Variants in TDRD3 observed in about 807,000 individuals in gnomAD.
The protein encoded by TDRD3 is tudor domain-containing protein 3.
TDRD3 carries 45 observed loss-of-function variants against 86.7 expected under a neutral mutation model. The ratio of observed to expected loss-of-function variants is 0.52; its 90% CI spans 0.41 to 0.67. The LOEUF (loss-of-function observed/expected upper bound fraction) is 0.67. Ranked by LOEUF, TDRD3 falls within the 30% of genes least tolerant of loss-of-function variation. The probability of loss-of-function intolerance (pLI) is 0.00; values close to 1 mark genes in which losing one functional copy is unlikely to be tolerated. For missense variants in TDRD3, 814 were observed against 889.0 expected, an observed-to-expected ratio of 0.92 and a Z score of 1.07; for synonymous variants, 298 against 301.7, an observed-to-expected ratio of 0.99 and a Z score of 0.13.
At chr13:60,395,859 A>T (rs1157206298), upstream of TDRD3, among the ~76,000 whole-genome samples, 1 of 152,000 alleles carries the variant, frequency 6.6e-6, no homozygotes. Flanking sequence ...ACTGCATACT[A>T]CTGCACATTG....
chr13:60,406,437 A>C (rs908001244), intron 1 of TDRD3, among the ~76,000 whole-genome samples: 1 of 152,226 alleles, frequency 6.6e-6, no homozygotes, highest in African/African-American at 2.4e-5. Context: ...TGTTAAAATA[A>C]TTATTAAATT....
intron 1 of TDRD3, among the ~76,000 whole-genome samples, chr13:60,406,470 T>A (rs907273087): frequency 6.6e-6 from 1 of 152,248 alleles, no homozygotes; most frequent in African/African-American, 2.4e-5. Flanking sequence ...TTTTACTTTT[T>A]AAAATATGGC....
chr13:60,466,593 C>T (rs1251656145), intron 4 of TDRD3, among the ~76,000 whole-genome samples: 2 of 151,870 alleles, frequency 1.3e-5, no homozygotes, highest in South Asian at 2.1e-4. Flanking sequence ...TTGGAGACCA[C>T]CCTGGCCAAC....
Position 60,494,584 on chromosome 13 carries a change from A to G in TDRD3, c.858+9A>G, listed in dbSNP as rs371988916. On this transcript the variant is annotated intron_variant, in intron 8 of 13. Coordinates refer to ENST00000377881, the MANE Select transcript of TDRD3 (RefSeq NM_001146070.2). ...GTGTCTATAGAGAACTGGTAAGGCT[A>G]AAGAACTAACCACAAATTTAAAGTG... The G allele has an allele frequency of 4.0e-4, 644 of 1,607,428 alleles. No homozygotes were observed. Among genetic ancestry groups the G allele is most frequent in the Non-Finnish European group, 5.2e-4 (615 of 1,177,458 alleles).
At chr13:60,418,319 T>C (rs1051396641) in intron 1 of TDRD3, among the ~76,000 whole-genome samples, 1 of 152,128 alleles carries the variant, frequency 6.6e-6, no homozygotes, top group African/African-American at 2.4e-5. Flanking sequence ...AACATAACTG[T>C]CATCTGTTAT....
At chr13:60,552,766 C>A (rs1475858617) in intron 12 of TDRD3, among the ~76,000 whole-genome samples, 1 of 152,252 alleles carries the variant, frequency 6.6e-6, no homozygotes, top group Non-Finnish European at 1.5e-5. Flanking sequence ...CAACTCTTGT[C>A]TTCTGTGCAC....
intron 7 of TDRD3, among the ~76,000 whole-genome samples, chr13:60,493,930 A>G (rs1416473319): frequency 1.3e-5 from 2 of 152,250 alleles, no homozygotes; most frequent in Non-Finnish European, 2.9e-5. Context: ...GTAAGAAATG[A>G]CATATTACAT....
chr13:60,414,710 G>A (rs1344134771), intron 1 of TDRD3, among the ~76,000 whole-genome samples: 1 of 151,994 alleles, frequency 6.6e-6, no homozygotes, highest in East Asian at 1.9e-4. Flanking sequence ...TACTTGCAGT[G>A]GGGGCTTTTT....
chr13:60,484,994 G>T (rs1050975275), intron 6 of TDRD3, among the ~76,000 whole-genome samples: 2 of 151,948 alleles, frequency 1.3e-5, no homozygotes, highest in Non-Finnish European at 2.9e-5. Context: ...AATATTATTT[G>T]GTTATAAAGT....
intron 1 of TDRD3, among the ~76,000 whole-genome samples, chr13:60,436,370 A>G (rs1955106349): frequency 6.6e-6 from 1 of 151,972 alleles, no homozygotes; most frequent in Non-Finnish European, 1.5e-5. Flanking sequence ...TAGAATTTCT[A>G]AACCATGAAA....
chr13:60,508,442 C>T (rs1459151944), intron 8 of TDRD3, among the ~76,000 whole-genome samples: 1 of 152,136 alleles, frequency 6.6e-6, no homozygotes, highest in Non-Finnish European at 1.5e-5. Context: ...TGGAACAGAA[C>T]AGACGCCTCA....
chr13:60,479,524 T>C (rs550493968), intron 5 of TDRD3, among the ~76,000 whole-genome samples: 2 of 152,198 alleles, frequency 1.3e-5, no homozygotes, highest in Non-Finnish European at 2.9e-5. Context: ...ATTGATTGGG[T>C]GTTGAGTTTC....
At chr13:60,489,692 A>G (rs893336256) in intron 7 of TDRD3, among the ~76,000 whole-genome samples, 4 of 152,320 alleles carry the variant, frequency 2.6e-5, no homozygotes, top group South Asian at 2.1e-4. Context: ...AGTAAACACG[A>G]CTATTGCTAT....
intron 8 of TDRD3, among the ~76,000 whole-genome samples, chr13:60,508,866 A>C (rs746875434): frequency 2.6e-5 from 4 of 152,164 alleles, no homozygotes; most frequent in African/African-American, 4.8e-5. Flanking sequence ...CCCAACAAAA[A>C]ATTACAAAGC....
Position 60,516,738 on chromosome 13 carries a change from C to T in TDRD3, c.1141+5983C>T, listed in dbSNP as rs1233177359. On this transcript the variant is annotated intron_variant, in intron 10 of 13. Coordinates refer to ENST00000377881, the MANE Select transcript of TDRD3 (RefSeq NM_001146070.2). ...TAAGCCTAGTGCTTGGCATCAGCAA[C>T]AGCAGCAGATGCAACAGCATCCTCC... is the stretch of plus-strand genomic sequence containing the variant. 3.3e-5 allele frequency among the ~76,000 whole-genome samples: 5 copies of T among 152,086 alleles called. No individual in the cohort carries two copies. In the East Asian group the frequency reaches 5.9e-4, roughly 18 times the overall value.
chr13:60,555,914 G>A (rs1020505105), intron 12 of TDRD3, among the ~76,000 whole-genome samples: 2 of 148,878 alleles, frequency 1.3e-5, no homozygotes, highest in Admixed American at 6.7e-5. Flanking sequence ...GCAGTGGCGC[G>A]ATCTCGGCTC....
intron 12 of TDRD3, among the ~76,000 whole-genome samples, chr13:60,548,059 T>C (rs558843707): frequency 1.3e-5 from 2 of 152,182 alleles, no homozygotes; most frequent in East Asian, 3.9e-4. Context: ...CCATTCATTT[T>C]CTCTGTGGGA....
intron 8 of TDRD3, among the ~76,000 whole-genome samples, chr13:60,503,658 C>G (rs1318516678): frequency 6.6e-6 from 1 of 152,120 alleles, no homozygotes; most frequent in African/African-American, 2.4e-5. Context: ...AATTTTGAAA[C>G]TTGAAGTTTG....
chr13:60,448,131 T>TA (rs1488265719), intron 3 of TDRD3, among the ~76,000 whole-genome samples: 1 of 152,112 alleles, frequency 6.6e-6, no homozygotes, highest in Non-Finnish European at 1.5e-5. Flanking sequence ...TAATAAGACT[T>TA]AGATAATGCT....
Sources: gnomAD v4.1 joint callset for allele counts (sites outside exome capture counted in the v4.1 genomes callset) on GRCh38, gnomAD v4.1.1 for gene constraint, MANE v1.5 for transcripts, NCBI Gene and HGNC (gene_info 2026-07-23, HGNC 2026-07-21) for gene names.